Variants in EFCAB5 observed in about 807,000 individuals in gnomAD.
The protein encoded by EFCAB5 is EF-hand calcium-binding domain-containing protein 5.
Under a neutral mutation model 167.9 loss-of-function variants are expected in EFCAB5, and 131 were observed. The observed-to-expected ratio is 0.78, with a 90% CI of 0.68 to 0.90. EFCAB5 has a LOEUF of 0.90. Ranked by LOEUF, EFCAB5 falls within the 40% of genes least tolerant of loss-of-function variation. The pLI is 0.00. For synonymous variants in EFCAB5, 574 were observed against 602.8 expected, an observed-to-expected ratio of 0.95 and a Z score of 0.70; for missense variants, 1,663 against 1,745.2, an observed-to-expected ratio of 0.95 and a Z score of 0.84.
chr17:30,019,258 C>G (rs1393525992), intron 7 of EFCAB5, among the ~76,000 whole-genome samples: 1 of 151,614 alleles, frequency 6.6e-6, no homozygotes, highest in Non-Finnish European at 1.5e-5. Context: ...CTGATAAATA[C>G]CAAGCTGAAG....
chr17:30,043,096 A>G (rs1233392037), intron 8 of EFCAB5, among the ~76,000 whole-genome samples: 1 of 152,160 alleles, frequency 6.6e-6, no homozygotes, highest in Non-Finnish European at 1.5e-5. Flanking sequence ...CCTGGGAAAC[A>G]TAGCAAGACC....
Position 30,053,345 on chromosome 17 carries a change from T to C in EFCAB5, c.1391T>C (p.Val464Ala). Residue 464 changes from valine to alanine, a missense_variant, in exon 10 of 23, where the codon GTG becomes GCG. By Grantham distance (64) the Val-to-Ala change is moderately conservative. Transcript: ENST00000394835. Reference protein sequence around the residue: ...QKHIYEGFDKVLLEMNTLLSA... With the variant: ...QKHIYEGFDKALLEMNTLLSA... The stretch of plus-strand genomic sequence containing the variant: ...CACATTTATGAAGGTTTTGACAAAG[T>C]GCTCTTGGAGATGAATACATTACTT... 1 of 1,613,998 alleles carries C rather than the reference T, an allele frequency of 6.2e-7. No homozygotes were observed. The highest frequency in any genetic ancestry group is 8.5e-7 in the Non-Finnish European group (1 of 1,179,896).
At chr17:30,042,436 A>G (rs1259593461) in intron 8 of EFCAB5, among the ~76,000 whole-genome samples, 1 of 152,192 alleles carries the variant, frequency 6.6e-6, no homozygotes, top group Non-Finnish European at 1.5e-5. Context: ...GCCTGTCCTG[A>G]TATCAGGAAA....
intron 3 of EFCAB5, among the ~76,000 whole-genome samples, chr17:29,962,570 A>G (rs1185282676): frequency 6.6e-6 from 1 of 151,154 alleles, no homozygotes; most frequent in Non-Finnish European, 1.5e-5. Flanking sequence ...TCCTGGGCTC[A>G]AGCAATTCTC....
intron 1 of EFCAB5, chr17:29,929,908 C>T (rs1420579655): frequency 6.4e-7 from 1 of 1,567,676 alleles, no homozygotes; most frequent in Admixed American, 1.8e-5. Context: ...GTGACAGAAG[C>T]AAGCGGAGCG....
At chr17:29,997,755 T>C (rs1013294742) in intron 6 of EFCAB5, among the ~76,000 whole-genome samples, 1 of 152,176 alleles carries the variant, frequency 6.6e-6, no homozygotes, top group Non-Finnish European at 1.5e-5. Context: ...GGAAAGTCTA[T>C]GTGCAAGAAT....
Position 30,034,436 on chromosome 17 carries a change from C to T in EFCAB5, c.1200+51C>T, listed in dbSNP as rs1231363377. ...CTTCTTGGCCAGACACTGTGGCTCA[C>T]GCCTGTAATCCCAGCACTTTAGGAG... On this transcript the variant is annotated intron_variant, in intron 8 of 22. Transcript: ENST00000394835. 24 of 1,539,390 alleles carry T rather than the reference C, an allele frequency of 1.6e-5. 1 individual carries two copies. The highest frequency in any genetic ancestry group is 1.2e-4 in the Admixed American group (6 of 50,474).
chr17:29,975,891 G>C (rs983630514), intron 4 of EFCAB5, among the ~76,000 whole-genome samples: 3 of 152,068 alleles, frequency 2.0e-5, no homozygotes, highest in African/African-American at 7.2e-5. Flanking sequence ...TTCCATAAGA[G>C]GTTATTATTG....
intron 7 of EFCAB5, among the ~76,000 whole-genome samples, chr17:30,025,764 C>G (rs1159053827): frequency 1.3e-5 from 2 of 152,100 alleles, no homozygotes; most frequent in African/African-American, 4.8e-5. Flanking sequence ...GACTTGGAAC[C>G]AACCCAAATG....
intron 22 of EFCAB5, 23 bp downstream of exon 22, chr17:30,092,959 C>G (rs912730680): frequency 3.9e-6 from 6 of 1,544,802 alleles, no homozygotes; most frequent in Non-Finnish European, 4.4e-6. Context: ...TTAATTACAG[C>G]CTAAATCTAT....
At chr17:30,088,597 G>A (rs980046120) in intron 19 of EFCAB5, among the ~76,000 whole-genome samples, 2 of 152,110 alleles carry the variant, frequency 1.3e-5, no homozygotes, top group African/African-American at 4.8e-5. Context: ...ATAAGTACTC[G>A]GTTCTAAATT....
intron 3 of EFCAB5, among the ~76,000 whole-genome samples, chr17:29,944,495 C>T (rs764044664): frequency 3.0e-4 from 46 of 152,088 alleles, no homozygotes; most frequent in Non-Finnish European, 5.1e-4. Flanking sequence ...AGCTGACTGA[C>T]ATCTAGCAGG....
chr17:30,083,363 G>A (rs2071027269), intron 18 of EFCAB5, among the ~76,000 whole-genome samples: 1 of 152,146 alleles, frequency 6.6e-6, no homozygotes, highest in Non-Finnish European at 1.5e-5. Flanking sequence ...GTTTCCCTCT[G>A]TACATTGGTT....
chr17:30,080,288 T>G, intron 16 of EFCAB5, 47 bp downstream of exon 16: 1 of 1,483,142 alleles, frequency 6.7e-7, no homozygotes, highest in Non-Finnish European at 8.9e-7. Flanking sequence ...AAAAAAATAA[T>G]TCCCTTTCTG....
At chr17:30,094,233 A>G (rs1032058475) in intron 22 of EFCAB5, among the ~76,000 whole-genome samples, 6 of 152,184 alleles carry the variant, frequency 3.9e-5, no homozygotes, top group Non-Finnish European at 5.9e-5. Context: ...TAGTTCAGGA[A>G]AAGAGTATTT....
At chr17:30,037,591 A>C (rs2069661657) in intron 8 of EFCAB5, among the ~76,000 whole-genome samples, 1 of 152,200 alleles carries the variant, frequency 6.6e-6, no homozygotes, top group African/African-American at 2.4e-5. Flanking sequence ...TTTAATGATA[A>C]TACCTATCAC....
At chr17:29,996,008 A>T (rs1329032372) in intron 5 of EFCAB5, among the ~76,000 whole-genome samples, 1 of 152,188 alleles carries the variant, frequency 6.6e-6, no homozygotes, top group African/African-American at 2.4e-5. Context: ...CTGATGTCTT[A>T]TCCTTTTTAG....
chr17:29,987,829 AGGT>A (rs2068321559), intron 4 of EFCAB5, among the ~76,000 whole-genome samples: 1 of 152,228 alleles, frequency 6.6e-6, no homozygotes, highest in South Asian at 2.1e-4. Context: ...GCACTGCAAA[AGGT>A]GATGTTTAAC....
intron 18 of EFCAB5, among the ~76,000 whole-genome samples, chr17:30,085,864 A>G (rs563970533): frequency 6.6e-6 from 1 of 152,364 alleles, no homozygotes; most frequent in South Asian, 2.1e-4. Flanking sequence ...AGAACCCTTG[A>G]TGTCATGGAG....
Sources: allele counts gnomAD v4.1 joint callset (sites outside exome capture counted in the v4.1 genomes callset), GRCh38; gene constraint gnomAD v4.1.1; transcripts MANE v1.5; gene names NCBI Gene and HGNC (gene_info 2026-07-23, HGNC 2026-07-21).